The following PALM2AKAP2 variants were observed in gnomAD, a reference collection of about 807,000 sequenced individuals.
PALM2AKAP2 encodes the protein PALM2 and AKAP2 fusion.
PALM2AKAP2 carries 37 observed loss-of-function variants against 71.5 expected under a neutral mutation model. The ratio of observed to expected loss-of-function variants is 0.52; its 90% CI spans 0.40 to 0.68. The LOEUF is 0.68. Ranked by LOEUF, PALM2AKAP2 falls within the 30% of genes least tolerant of loss-of-function variation. The pLI is 0.00. For synonymous variants in PALM2AKAP2, 468 were observed against 478.8 expected, an observed-to-expected ratio of 0.98 and a Z score of 0.29; for missense variants, 1,224 against 1,191.8, an observed-to-expected ratio of 1.03 and a Z score of -0.40.
chr9:110,143,021 G>A (rs974543949), intron 2 of PALM2AKAP2, among the ~76,000 whole-genome samples: 8 of 152,110 alleles, frequency 5.3e-5, no homozygotes, highest in Admixed American at 3.9e-4. Context: ...GAGCACTTCC[G>A]AAGGCAGGCG....
chr9:109,715,478 T>C (rs1828303727), intron 1 of PALM2AKAP2, among the ~76,000 whole-genome samples: 1 of 152,152 alleles, frequency 6.6e-6, no homozygotes, highest in Admixed American at 6.5e-5. Flanking sequence ...CCGTTCTTCT[T>C]CCCAGGGATG....
At chr9:110,127,538 C>T (rs1415250060) in intron 1 of PALM2AKAP2, 5 of 152,208 alleles carry the variant, frequency 3.3e-5, no homozygotes, top group African/African-American at 1.2e-4. Context: ...GGTTATCACC[C>T]GGGGCCTCTC....
At chr9:110,105,847 G>A (rs955775176) in intron 1 of PALM2AKAP2, among the ~76,000 whole-genome samples, 1 of 152,130 alleles carries the variant, frequency 6.6e-6, no homozygotes, top group Non-Finnish European at 1.5e-5. Context: ...TTGCGTTTAA[G>A]TCTATGTGAT....
chr9:109,895,568 G>T (rs2131828920), intron 3 of PALM2AKAP2, among the ~76,000 whole-genome samples: 1 of 152,324 alleles, frequency 6.6e-6, no homozygotes, highest in Middle Eastern at 3.4e-3. Flanking sequence ...TGGTTAAAAT[G>T]TGGTCAGAGG....
At chr9:110,040,067 A>T (rs1170560373) in intron 7 of PALM2AKAP2, among the ~76,000 whole-genome samples, 1 of 152,002 alleles carries the variant, frequency 6.6e-6, no homozygotes, top group Non-Finnish European at 1.5e-5. Context: ...AGAAGAGAGG[A>T]GAGGGAGAGG....
intron 3 of PALM2AKAP2, among the ~76,000 whole-genome samples, chr9:110,163,388 G>A (rs1370271421): frequency 2.0e-5 from 3 of 152,112 alleles, no homozygotes; most frequent in African/African-American, 7.2e-5. Flanking sequence ...CACCTACCCA[G>A]CTTTGTCCAT....
At chr9:110,061,277 A>C (rs994672890) in intron 1 of PALM2AKAP2, among the ~76,000 whole-genome samples, 1 of 152,236 alleles carries the variant, frequency 6.6e-6, no homozygotes, top group African/African-American at 2.4e-5. Context: ...GAATGCATCC[A>C]AACCAAGGAC....
chr9:109,973,565 T>C (rs1481234929), intron 6 of PALM2AKAP2, among the ~76,000 whole-genome samples: 1 of 152,130 alleles, frequency 6.6e-6, no homozygotes, highest in Non-Finnish European at 1.5e-5. Flanking sequence ...ACCAATGGGG[T>C]AGGGGAGTAT....
At chr9:109,925,528 A>T (rs1445922274) in intron 5 of PALM2AKAP2, among the ~76,000 whole-genome samples, 1 of 151,522 alleles carries the variant, frequency 6.6e-6, no homozygotes, top group Non-Finnish European at 1.5e-5. Flanking sequence ...CAGCCTCTGG[A>T]TTTTCTTTGC....
chr9:109,861,442 GTTATGA>G (rs1417358027), intron 1 of PALM2AKAP2, among the ~76,000 whole-genome samples: 1 of 152,150 alleles, frequency 6.6e-6, no homozygotes, highest in African/African-American at 2.4e-5. Flanking sequence ...TTACGAACAT[GTTATGA>G]TTATAACATG....
intron 7 of PALM2AKAP2, among the ~76,000 whole-genome samples, 168 bp downstream of exon 7, chr9:110,016,207 T>C (rs1832977967): frequency 6.6e-6 from 1 of 152,138 alleles, no homozygotes; most frequent in Non-Finnish European, 1.5e-5. Flanking sequence ...TTTTCTGAAA[T>C]TTGGGATCTG....
chr9:110,023,401 A>G (rs1588063900), intron 7 of PALM2AKAP2, among the ~76,000 whole-genome samples: 1 of 133,732 alleles, frequency 7.5e-6, no homozygotes, highest in Non-Finnish European at 1.5e-5. Flanking sequence ...CACAACCTCT[A>G]CCTCCTGGGT....
chr9:109,654,374 T>G (rs1337905221), intron 1 of PALM2AKAP2, among the ~76,000 whole-genome samples: 1 of 152,240 alleles, frequency 6.6e-6, no homozygotes, highest in Non-Finnish European at 1.5e-5. Context: ...TGTGTTTTCA[T>G]TTATGTGAGA....
chr9:109,873,442 A>AAAAATAAAAT (rs58267168), intron 2 of PALM2AKAP2, among the ~76,000 whole-genome samples: 3,477 of 143,004 alleles, frequency 0.024, 126 homozygotes, highest in African/African-American at 0.08. Flanking sequence ...TCTCAAATTA[A>AAAAATAAAAT]AAAATAAAAT....
chr9:110,087,269 G>T (rs2118752306), intron 1 of PALM2AKAP2, among the ~76,000 whole-genome samples: 1 of 152,220 alleles, frequency 6.6e-6, no homozygotes, highest in East Asian at 1.9e-4. Flanking sequence ...GAGCATCACA[G>T]AACTAATGCA....
chr9:109,993,694 C>T (rs908136235), intron 6 of PALM2AKAP2, among the ~76,000 whole-genome samples: 5 of 152,034 alleles, frequency 3.3e-5, no homozygotes, highest in African/African-American at 9.7e-5. Flanking sequence ...ATTCTCTCTT[C>T]CTTCCTCTCC....
intron 1 of PALM2AKAP2, among the ~76,000 whole-genome samples, chr9:109,748,068 T>G (rs1828830335): frequency 6.6e-6 from 1 of 152,252 alleles, no homozygotes; most frequent in Admixed American, 6.5e-5. Context: ...AACTGATTTT[T>G]ATGCTCTTGG....
intron 2 of PALM2AKAP2, among the ~76,000 whole-genome samples, 172 bp downstream of exon 2, chr9:109,867,743 G>A (rs939775430): frequency 6.6e-6 from 1 of 152,130 alleles, no homozygotes; most frequent in African/African-American, 2.4e-5. Context: ...CAAATTCAGG[G>A]CATTATTACA....
At chr9:110,105,669 G>T (rs1835102999) in intron 1 of PALM2AKAP2, among the ~76,000 whole-genome samples, 1 of 152,194 alleles carries the variant, frequency 6.6e-6, no homozygotes, top group Non-Finnish European at 1.5e-5. Context: ...GAGCTAATGA[G>T]ATGCCTAAGT....
Sources: allele counts gnomAD v4.1 joint callset (sites outside exome capture counted in the v4.1 genomes callset), GRCh38; gene constraint gnomAD v4.1.1; transcripts MANE v1.5; gene names NCBI Gene and HGNC (gene_info 2026-07-23, HGNC 2026-07-21).